Variants in FBXW4 observed in about 807,000 individuals in gnomAD.
The protein encoded by FBXW4 is F-box/WD repeat-containing protein 4.
A neutral mutation model predicts 61.8 loss-of-function variants in FBXW4; 40 were observed. The ratio of observed to expected loss-of-function variants is 0.65; its 90% CI spans 0.50 to 0.84. The LOEUF (loss-of-function observed/expected upper bound fraction) is 0.84. Ranked by LOEUF, FBXW4 falls within the 40% of genes least tolerant of loss-of-function variation. The pLI, the probability that FBXW4 is intolerant of heterozygous loss-of-function variation, is 0.00. For synonymous variants in FBXW4, 311 were observed against 313.8 expected (o/e 0.99, Z 0.10); for missense variants, 672 against 753.8 (o/e 0.89, Z 1.27).
intron 5 of FBXW4, among the ~76,000 whole-genome samples, chr10:101,637,848 A>G (rs914703176): frequency 4.6e-5 from 7 of 152,124 alleles, no homozygotes; most frequent in African/African-American, 1.7e-4. Flanking sequence ...ATTTGACCCC[A>G]GCCGTGTGGT....
chr10:101,666,926 A>T (rs1355657108), intron 5 of FBXW4, among the ~76,000 whole-genome samples: 1 of 80,162 alleles, frequency 1.2e-5, no homozygotes, highest in Admixed American at 1.1e-4. Flanking sequence ...AAAAAGAATG[A>T]AAAAAAAACC....
intron 5 of FBXW4, among the ~76,000 whole-genome samples, chr10:101,634,083 A>G (rs2063981324): frequency 1.3e-5 from 2 of 152,184 alleles, no homozygotes; most frequent in South Asian, 4.1e-4. Flanking sequence ...ACTGCACTCC[A>G]GCCTGGGTAA....
Position 101,676,395 on chromosome 10 carries a change from T to TGA in FBXW4, c.765_766dup (p.Gln256LeufsTer15). On this transcript the variant is annotated frameshift_variant, in exon 2 of 9. Coordinates refer to ENST00000331272, the MANE Select transcript of FBXW4 (RefSeq NM_022039.4). LOFTEE classifies it high-confidence loss of function. ...TCGGCAGCGCCCCAGTCTCCAGTTC[T>TGA]GAGACACCTTCACTCGTTCCTTCAC... 2 of 1,613,526 alleles carry TGA rather than the reference T, an allele frequency of 1.2e-6. No homozygotes were observed.
At chr10:101,674,147 T>G (rs1364828155) in intron 2 of FBXW4, among the ~76,000 whole-genome samples, 1 of 151,924 alleles carries the variant, frequency 6.6e-6, no homozygotes, top group Non-Finnish European at 1.5e-5. Flanking sequence ...CTGACCAACA[T>G]GATAAAACCC....
At chr10:101,690,131 GTAC>G (rs2064579255) in intron 1 of FBXW4, among the ~76,000 whole-genome samples, 1 of 152,212 alleles carries the variant, frequency 6.6e-6, no homozygotes, top group South Asian at 2.1e-4. Flanking sequence ...ATGCACAGAT[GTAC>G]TTTTTCTTTC....
chr10:101,679,056 C>G (rs1264872180), intron 1 of FBXW4, among the ~76,000 whole-genome samples: 1 of 152,042 alleles, frequency 6.6e-6, no homozygotes, highest in African/African-American at 2.4e-5. Flanking sequence ...CAAGACTCTC[C>G]CTCTCTAGAG....
chr10:101,682,760 C>G (rs955407314), intron 1 of FBXW4, among the ~76,000 whole-genome samples: 2 of 152,024 alleles, frequency 1.3e-5, no homozygotes, highest in African/African-American at 4.8e-5. Flanking sequence ...TGCTACCAAA[C>G]AGCAGGTGCA....
intron 3 of FBXW4, among the ~76,000 whole-genome samples, 198 bp from the exon 4 acceptor site, chr10:101,673,245 A>G (rs1022185710): frequency 6.6e-6 from 1 of 152,344 alleles, no homozygotes; most frequent in Non-Finnish European, 1.5e-5. Context: ...GCTGAGAGAA[A>G]AAATATATTT....
At chr10:101,671,797 G>A (rs2064360101) in intron 4 of FBXW4, among the ~76,000 whole-genome samples, 1 of 152,212 alleles carries the variant, frequency 6.6e-6, no homozygotes, top group Non-Finnish European at 1.5e-5. Flanking sequence ...AGGGTAATAG[G>A]AAGCAAGTGA....
At chr10:101,617,735 A>G (rs371982569) in intron 6 of FBXW4, among the ~76,000 whole-genome samples, 2 of 152,208 alleles carry the variant, frequency 1.3e-5, no homozygotes, top group African/African-American at 2.4e-5. Flanking sequence ...CTGTTGCCAT[A>G]AAGGGATAAG....
Position 101,611,607 on chromosome 10 carries a change from A to C in FBXW4, c.1584+21T>G, listed in dbSNP as rs564519374. The C allele has an allele frequency of 9.9e-6, 16 of 1,612,758 alleles. No individual in the cohort carries two copies. The East Asian group carries it at 3.3e-4, about 34-fold the overall frequency. ...ATCATGAGTCCTGGCATGCTGGAGAAGAGGTGGGCAGGACACTTACGTGCA... is the reference window on the plus strand; with the variant it reads ...ATCATGAGTCCTGGCATGCTGGAGACGAGGTGGGCAGGACACTTACGTGCA... On this transcript the variant is annotated intron_variant, in intron 8 of 8. Coordinates refer to ENST00000331272, the MANE Select transcript of FBXW4 (RefSeq NM_022039.4). This position sits in a 1 kb window ranked among gnomAD's most constrained non-coding sequence, Gnocchi z 4.9.
rs777574714 is a variant in FBXW4 at position 101,624,772 on chromosome 10, G to A, written c.1274C>T (p.Ser425Leu). The A allele has an allele frequency of 6.2e-7, 1 of 1,614,228 alleles. No individual in the cohort carries two copies. The highest frequency in any genetic ancestry group is 1.7e-5 in the Admixed American group (1 of 60,024). The change falls in exon 6 of 9, where the codon TCA becomes TTA. Residue 425 changes from serine (S) to leucine (L), a missense_variant. Coordinates refer to ENST00000331272, the MANE Select transcript of FBXW4 (RefSeq NM_022039.4). ...GTTGAGGTCCCAGATTCTCAGGGGTGAGAAGTGCCCGCAACAAGCCGTCCC... is the reference window on the plus strand; with the variant it reads ...GTTGAGGTCCCAGATTCTCAGGGGTAAGAAGTGCCCGCAACAAGCCGTCCC... The part of the protein sequence containing the change: ...VTGTACCGHF[S>L]PLRIWDLNSG...
chr10:101,668,957 A>T (rs1019470677), intron 4 of FBXW4, among the ~76,000 whole-genome samples: 1 of 152,300 alleles, frequency 6.6e-6, no homozygotes. Flanking sequence ...CTATAAGGGG[A>T]ACACACAAAA....
rs1304192993 is a variant in FBXW4 at position 101,611,345 on chromosome 10, A to C, written c.1650T>G (p.His550Gln). The C allele has an allele frequency of 1.9e-6, 3 of 1,614,102 alleles. No homozygotes were observed. Among genetic ancestry groups the C allele is most frequent in the Non-Finnish European group, 1.7e-6 (2 of 1,180,002 alleles). ...GGTTGTAAGACAGGGCAGCATAGAG[A>C]TGCTTGGTGGTGAGACGCAGGCAGT... ...PVYCLRLTTK[H>Q]LYAALSYNLH... Residue 550 changes from histidine (H) to glutamine (Q), a missense_variant, in exon 9 of 9, where the codon CAT becomes CAG. By Grantham distance (24) the His-to-Gln change is conservative (BLOSUM62 0). This residue lies in a region of FBXW4 where 312 missense variants were observed against 370.1 expected (regional missense o/e 0.84). Coordinates refer to ENST00000331272, the MANE Select transcript of FBXW4 (RefSeq NM_022039.4). The surrounding 1 kb of genome is among the most constrained non-coding windows in gnomAD (Gnocchi z 4.9).
At chr10:101,628,460 T>C (rs545533006) in intron 5 of FBXW4, among the ~76,000 whole-genome samples, 7 of 152,306 alleles carry the variant, frequency 4.6e-5, no homozygotes, top group African/African-American at 1.7e-4. Flanking sequence ...GGCTCTTGGG[T>C]ACTGTACTGT....
intron 5 of FBXW4, among the ~76,000 whole-genome samples, chr10:101,658,263 G>C (rs1016771541): frequency 6.6e-6 from 1 of 152,110 alleles, no homozygotes; most frequent in Non-Finnish European, 1.5e-5. Flanking sequence ...AAAATGGTTT[G>C]AGGCCGGGCA....
chr10:101,680,433 A>T (rs2064463177), intron 1 of FBXW4, among the ~76,000 whole-genome samples: 1 of 152,218 alleles, frequency 6.6e-6, no homozygotes, highest in African/African-American at 2.4e-5. Context: ...GAAAAATTTT[A>T]ACTAACACTG....
At chr10:101,642,703 G>T (rs1051782441) in intron 5 of FBXW4, among the ~76,000 whole-genome samples, 1 of 152,170 alleles carries the variant, frequency 6.6e-6, no homozygotes, top group Non-Finnish European at 1.5e-5. Flanking sequence ...TTTGCTTTCT[G>T]GGAAAAGTCT....
intron 5 of FBXW4, chr10:101,660,094 T>C (rs1056736445): frequency 1.9e-5 from 19 of 984,774 alleles, no homozygotes; most frequent in Non-Finnish European, 2.0e-5. Context: ...GCGGGAGGGG[T>C]CGGAGTCAGA....
Sources: gnomAD v4.1 joint callset for allele counts (sites outside exome capture counted in the v4.1 genomes callset) on GRCh38, gnomAD v4.1.1 for gene constraint, gnomAD v4.1.1 regional missense constraint, Gnocchi (gnomAD v3.1) non-coding constraint, MANE v1.5 for transcripts, NCBI Gene and HGNC (gene_info 2026-07-23, HGNC 2026-07-21) for gene names.